NLRP7: variants seen among roughly 807,000 people sequenced by gnomAD.
NLRP7 encodes NACHT, LRR and PYD domains-containing protein 7.
In NLRP7, 72 loss-of-function variants were observed where a neutral mutation model predicts 85.5. The ratio of observed to expected loss-of-function variants is 0.84; its 90% CI spans 0.70 to 1.02. NLRP7 has a LOEUF of 1.02. Among genes scored for constraint, NLRP7 ranks in the 50% least tolerant of loss-of-function variants. The probability of loss-of-function intolerance (pLI) is 0.00; values close to 1 mark genes in which losing one functional copy is unlikely to be tolerated. For synonymous variants in NLRP7, 550 were observed against 505.2 expected, an observed-to-expected ratio of 1.09 and a Z score of -1.19; for missense variants, 1,243 against 1,219.5, an observed-to-expected ratio of 1.02 and a Z score of -0.29.
At chr19:54,926,706 A>G (rs773978432) in intron 9 of NLRP7, among the ~76,000 whole-genome samples, 2 of 152,074 alleles carry the variant, frequency 1.3e-5, no homozygotes, top group Non-Finnish European at 2.9e-5. Context: ...ACCTGAGGTC[A>G]GGAGCTCGAG....
At chr19:54,939,406 G>A in exon 4 of NLRP7, 1 of 1,614,114 alleles carries the variant, frequency 6.2e-7, no homozygotes, top group Non-Finnish European at 8.5e-7. Flanking sequence ...GAAACTGCTG[G>A]AAGCTGAGGT....
chr19:54,959,099 G>A lies in NLRP7; in HGVS notation c.-77+6941C>T, dbSNP rs181380793. 3.0e-3 allele frequency among the ~76,000 whole-genome samples: 456 copies of A among 151,842 alleles called. 2 individuals are homozygous for A. Among genetic ancestry groups the A allele is most frequent in the South Asian group, 6.7e-3 (32 of 4,792 alleles). ...GTTTTGGGTCTGGTGCCTGGCGCCG[G>A]GCTACCTGCCTTTGGTTTCACTTCC... On this transcript the variant is annotated intron_variant, in intron 1 of 2. Transcript: ENST00000587103.
chr19:54,942,752 C>T (rs181297684), intron 1 of NLRP7, among the ~76,000 whole-genome samples: 112 of 152,218 alleles, frequency 7.4e-4, no homozygotes, highest in East Asian at 6.4e-3. Flanking sequence ...ACACTACAAA[C>T]CAAGACTTCC....
At chr19:54,942,906 G>A (rs1198557181) in intron 1 of NLRP7, among the ~76,000 whole-genome samples, 2 of 152,064 alleles carry the variant, frequency 1.3e-5, no homozygotes, top group Non-Finnish European at 2.9e-5. Context: ...CAGCACTTTG[G>A]GAGGCTGAGG....
intron 1 of NLRP7, among the ~76,000 whole-genome samples, chr19:54,960,268 C>G (rs2069995981): frequency 6.6e-6 from 1 of 151,402 alleles, no homozygotes; most frequent in African/African-American, 2.4e-5. Flanking sequence ...CAATTCTCCT[C>G]CCTCAGCCTC....
intron 1 of NLRP7, among the ~76,000 whole-genome samples, chr19:54,965,540 C>T (rs1438712556): frequency 1.1e-5 from 1 of 93,178 alleles, no homozygotes; most frequent in Non-Finnish European, 2.3e-5. Flanking sequence ...ACTGCAAGCT[C>T]CGCCTCCCGG....
chr19:54,924,434 G>A (rs1022834701), intron 9 of NLRP7, among the ~76,000 whole-genome samples: 2 of 151,670 alleles, frequency 1.3e-5, no homozygotes, highest in Non-Finnish European at 2.9e-5. Context: ...GCCAGCCTGG[G>A]CAACACGGTG....
chr19:54,929,700 A>C (rs269942), intron 9 of NLRP7, among the ~76,000 whole-genome samples: 84,849 of 151,934 alleles, frequency 0.56, 23,923 homozygotes, highest in East Asian at 0.72. Flanking sequence ...CCATTGTTAT[A>C]TATATTTCAC....
intron 9 of NLRP7, among the ~76,000 whole-genome samples, chr19:54,924,393 C>T (rs1028251495): frequency 6.6e-6 from 1 of 152,184 alleles, no homozygotes; most frequent in African/African-American, 2.4e-5. Context: ...GAGGCCAAGG[C>T]AGGCAGATTG....
chr19:54,947,519 G>A (rs771088426), upstream of NLRP7: 26 of 1,289,584 alleles, frequency 2.0e-5, no homozygotes, highest in South Asian at 2.3e-4. Flanking sequence ...CAAAGGAAAC[G>A]GATAAAAAGG....
chr19:54,948,899 T>C, upstream of NLRP7: 1 of 189,782 alleles, frequency 5.3e-6, no homozygotes, highest in Non-Finnish European at 1.1e-5. Context: ...AGAATTTTGG[T>C]AGTTTAAACT....
chr19:54,929,971 CA>C (rs896754827), intron 9 of NLRP7, among the ~76,000 whole-genome samples: 2 of 151,514 alleles, frequency 1.3e-5, no homozygotes, highest in African/African-American at 4.8e-5. Flanking sequence ...AAAAATTAGC[CA>C]GGCACGGTGG....
chr19:54,955,215 G>A (rs1276624089), intron 1 of NLRP7, among the ~76,000 whole-genome samples: 1 of 151,944 alleles, frequency 6.6e-6, no homozygotes, highest in Admixed American at 6.6e-5. Context: ...TGTAATCCCA[G>A]CTACTCAGGA....
At chr19:54,926,216 G>A (rs1278118909) in intron 9 of NLRP7, among the ~76,000 whole-genome samples, 1 of 147,392 alleles carries the variant, frequency 6.8e-6, no homozygotes, top group Non-Finnish European at 1.5e-5. Context: ...GTGTGTGTGT[G>A]TGTGTGTGTG....
At position 54,938,197 on chromosome 19, in the gene NLRP7, C is replaced by A. The variant is rs765446538; in HGVS notation, c.1976G>T (p.Arg659Leu). The A allele has an allele frequency of 8.1e-6, 13 of 1,614,034 alleles. No homozygotes were observed. In the East Asian group the frequency reaches 2.9e-4, roughly 36 times the overall value. ...GAAATCTGTCCAGAGGCGAAGAGAG[C>A]GAAGATCCTGCCGAGCCCAGTTCGG... The change falls in exon 5 of 10, where the codon CGC becomes CTC. Residue 659 changes from arginine (R) to leucine (L), a missense_variant. Coordinates refer to ENST00000340844, the Ensembl canonical transcript of NLRP7.
At chr19:54,929,565 G>C (rs1468424652) in intron 9 of NLRP7, among the ~76,000 whole-genome samples, 1 of 152,076 alleles carries the variant, frequency 6.6e-6, no homozygotes, top group African/African-American at 2.4e-5. Flanking sequence ...TGGAGACTTT[G>C]CATTTTCTGG....
Position 54,930,713 on chromosome 19 carries a change from C to T in NLRP7, c.2643-47G>A, listed in dbSNP as rs772513038. 15 of 1,535,934 alleles carry T rather than the reference C, an allele frequency of 9.8e-6. No homozygotes were observed. In the Admixed American group the frequency reaches 1.3e-4, roughly 14 times the overall value. The stretch of plus-strand genomic sequence containing the variant: ...AGAAGCCTGTTATCCCTCTGGCTAA[C>T]GCCCTGTGAAGCAGTTATTTCCAAC... On this transcript the variant is annotated intron_variant, in intron 8 of 9. Transcript: ENST00000340844.
intron 1 of NLRP7, among the ~76,000 whole-genome samples, chr19:54,954,413 C>T (rs1201737726): frequency 7.0e-6 from 1 of 143,704 alleles, no homozygotes; most frequent in Non-Finnish European, 1.5e-5. Flanking sequence ...GCCTGTAGTC[C>T]CAGCTACTCG....
At chr19:54,959,941 A>G (rs757935924) in intron 1 of NLRP7, among the ~76,000 whole-genome samples, 5 of 151,804 alleles carry the variant, frequency 3.3e-5, no homozygotes, top group Non-Finnish European at 5.9e-5. Flanking sequence ...GTACACAGAG[A>G]CCCAAGGCCT....
Sources: gnomAD v4.1 joint callset for allele counts (sites outside exome capture counted in the v4.1 genomes callset) on GRCh38, gnomAD v4.1.1 for gene constraint, MANE v1.5 for transcripts, NCBI Gene and HGNC (gene_info 2026-07-23, HGNC 2026-07-21) for gene names.